The following EGFLAM variants were observed in gnomAD, a reference collection of about 807,000 sequenced individuals.
EGFLAM encodes pikachurin.
Under a neutral mutation model 113.1 loss-of-function variants are expected in EGFLAM, and 79 were observed. That is an observed-to-expected ratio of 0.70 (90% confidence interval 0.58 to 0.84). The LOEUF (loss-of-function observed/expected upper bound fraction) is 0.84. EGFLAM is among the 40% of genes least tolerant of loss of function. EGFLAM has a pLI of 0.00. For synonymous variants in EGFLAM, 504 were observed against 487.6 expected (o/e 1.03, Z -0.44); for missense variants, 1,265 against 1,291.6 (o/e 0.98, Z 0.32).
At chr5:38,453,325 G>A (rs1233843879) in intron 19 of EGFLAM, among the ~76,000 whole-genome samples, 1 of 152,204 alleles carries the variant, frequency 6.6e-6, no homozygotes, top group Non-Finnish European at 1.5e-5. Context: ...ACAAAGCAGG[G>A]ATCACTAAAC....
At chr5:38,355,307 A>G (rs1739737071) in intron 5 of EGFLAM, among the ~76,000 whole-genome samples, 1 of 152,170 alleles carries the variant, frequency 6.6e-6, no homozygotes, top group East Asian at 1.9e-4. Flanking sequence ...TGTCCTTTCA[A>G]CATTGCTCCT....
At chr5:38,331,712 G>C (rs1579782468) in intron 1 of EGFLAM, among the ~76,000 whole-genome samples, 1 of 152,040 alleles carries the variant, frequency 6.6e-6, no homozygotes, top group South Asian at 2.1e-4. Flanking sequence ...CTATTCTAAG[G>C]CTAAGTGAAG....
At chr5:38,307,148 A>C (rs2111845868) in intron 1 of EGFLAM, among the ~76,000 whole-genome samples, 1 of 152,322 alleles carries the variant, frequency 6.6e-6, no homozygotes, top group African/African-American at 2.4e-5. Context: ...ATTGTGAATA[A>C]ATAAATAATA....
At chr5:38,455,963 G>T (rs371514501) in intron 19 of EGFLAM, among the ~76,000 whole-genome samples, 1 of 152,116 alleles carries the variant, frequency 6.6e-6, no homozygotes, top group Non-Finnish European at 1.5e-5. Flanking sequence ...TGGGTGTTCC[G>T]GACTGCTTTG....
intron 7 of EGFLAM, 109 bp downstream of exon 7, chr5:38,406,350 A>C: frequency 4.3e-6 from 4 of 939,326 alleles, no homozygotes; most frequent in Non-Finnish European, 6.5e-6. Context: ...AAATGTGCCC[A>C]TTTGCTTTTA....
chr5:38,418,515 G>T (rs1269774188), intron 12 of EGFLAM, among the ~76,000 whole-genome samples: 1 of 152,036 alleles, frequency 6.6e-6, no homozygotes, highest in Non-Finnish European at 1.5e-5. Context: ...TAGCAATTTG[G>T]GCCTCATCAT....
intron 20 of EGFLAM, chr5:38,462,703 T>G: frequency 1.9e-6 from 1 of 534,058 alleles, no homozygotes; most frequent in Non-Finnish European, 3.3e-6. Context: ...TCATTCACAG[T>G]TTGACTTTTT....
At chr5:38,370,060 C>A (rs1360839186) in intron 5 of EGFLAM, among the ~76,000 whole-genome samples, 1 of 152,164 alleles carries the variant, frequency 6.6e-6, no homozygotes, top group Non-Finnish European at 1.5e-5. Flanking sequence ...AACGGATTGT[C>A]TTTAAGTAGT....
In EGFLAM at chr5:38,447,521, C is replaced by A. The variant is rs568732872; in HGVS notation, c.2465-780C>A. Among the ~76,000 whole-genome samples, 8 of 152,154 alleles carry A rather than the reference C, an allele frequency of 5.3e-5. No individual in the cohort carries two copies. In the East Asian group the frequency reaches 1.6e-3, roughly 29 times the overall value. ...TGTAATTCCCAGCACTTTAGGAGGCCGAGGCGGGTGGATCACCTAAGGTCA... is the reference window on the plus strand; with the variant it reads ...TGTAATTCCCAGCACTTTAGGAGGCAGAGGCGGGTGGATCACCTAAGGTCA... On this transcript the variant is annotated intron_variant, in intron 17 of 21. Coordinates refer to ENST00000322350, the MANE Select transcript of EGFLAM (RefSeq NM_152403.4).
chr5:38,458,484 C>G, intron 20 of EGFLAM, 90 bp downstream of exon 20: 1 of 1,311,128 alleles, frequency 7.6e-7, no homozygotes, highest in Non-Finnish European at 1.0e-6. Context: ...CTGTCCTGTT[C>G]CCCAACTTTG....
chr5:38,323,973 C>T (rs924342599), intron 1 of EGFLAM, among the ~76,000 whole-genome samples: 1 of 138,476 alleles, frequency 7.2e-6, no homozygotes, highest in Non-Finnish European at 1.5e-5. Context: ...ACCCAGGAGG[C>T]GGAGGTTGCA....
chr5:38,337,766 T>G lies in EGFLAM; in HGVS notation c.207+137T>G, dbSNP rs10473095. ...TCTCCCTCCATAAAGCTAGAAGAAA[T>G]GTCCCGCTTTGGAGGGTATTTGTAA... On this transcript the variant is annotated intron_variant, in intron 2 of 21. Coordinates refer to ENST00000322350, the MANE Select transcript of EGFLAM (RefSeq NM_152403.4). 0.016 allele frequency: 11,456 copies of G among 726,256 alleles called. 985 individuals are homozygous for G. The African/African-American group carries it at 0.18, about 12-fold the overall frequency. The allele number at this position is 726,256 out of a possible 1,614,324, so 45.0% of individuals were successfully genotyped here.
At chr5:38,287,380 G>A (rs929783176) in intron 1 of EGFLAM, among the ~76,000 whole-genome samples, 6 of 150,892 alleles carry the variant, frequency 4.0e-5, no homozygotes, top group African/African-American at 1.5e-4. Flanking sequence ...TTTTTTTTTC[G>A]TTTGTTTTTG....
chr5:38,312,415 G>C (rs1738478352), intron 1 of EGFLAM, among the ~76,000 whole-genome samples: 5 of 151,786 alleles, frequency 3.3e-5, no homozygotes, highest in Admixed American at 3.3e-4. Flanking sequence ...CTAATTTTTT[G>C]TATTTTTAGA....
chr5:38,372,178 T>C (rs1740240370), intron 6 of EGFLAM, among the ~76,000 whole-genome samples: 1 of 151,938 alleles, frequency 6.6e-6, no homozygotes, highest in South Asian at 2.1e-4. Flanking sequence ...AGACTCACTC[T>C]GTCACCCAGG....
chr5:38,348,049 TGAGAGA>T (rs59761113), intron 3 of EGFLAM, among the ~76,000 whole-genome samples: 3 of 147,618 alleles, frequency 2.0e-5, no homozygotes, highest in African/African-American at 7.5e-5. Flanking sequence ...CCTTGGGTAA[TGAGAGA>T]GAGAGAGAGA....
intron 1 of EGFLAM, among the ~76,000 whole-genome samples, chr5:38,288,938 C>A (rs1340678635): frequency 6.6e-6 from 1 of 152,086 alleles, no homozygotes; most frequent in Non-Finnish European, 1.5e-5. Flanking sequence ...ACCCTCATGT[C>A]CTATAATTGG....
intron 5 of EGFLAM, among the ~76,000 whole-genome samples, chr5:38,358,376 G>C (rs1739821404): frequency 1.3e-5 from 2 of 149,792 alleles, no homozygotes; most frequent in African/African-American, 4.9e-5. Context: ...GAACCCGGGA[G>C]GCGGAGCTTG....
chr5:38,325,773 C>T (rs1302118667), intron 1 of EGFLAM, among the ~76,000 whole-genome samples: 1 of 152,054 alleles, frequency 6.6e-6, no homozygotes, highest in East Asian at 1.9e-4. Context: ...AAAGTACATA[C>T]TTCATGAGGA....
Sources: gnomAD v4.1 joint callset for allele counts (sites outside exome capture counted in the v4.1 genomes callset) on GRCh38, gnomAD v4.1.1 for gene constraint, MANE v1.5 for transcripts, NCBI Gene and HGNC (gene_info 2026-07-23, HGNC 2026-07-21) for gene names.